RELN: variants seen among roughly 807,000 people sequenced by gnomAD.
RELN encodes the protein reelin.
A neutral mutation model predicts 427.6 loss-of-function variants in RELN; 108 were observed. The ratio of observed to expected loss-of-function variants is 0.25; its 90% confidence interval spans 0.22 to 0.30. RELN has a LOEUF of 0.30. Ranked by LOEUF, RELN falls within the 10% of genes least tolerant of loss-of-function variation. The pLI is 1.00. For synonymous variants in RELN, 1,524 were observed against 1,513.4 expected (o/e 1.01, Z -0.16); for missense variants, 3,715 against 4,302.8 (o/e 0.86, Z 3.82).
chr7:103,493,705 G>A (rs73714413), intron 57 of RELN, among the ~76,000 whole-genome samples: 30,939 of 151,974 alleles, frequency 0.2, 3,788 homozygotes, highest in African/African-American at 0.35. Flanking sequence ...CAAAGAGGTA[G>A]AAGGAGAACG....
intron 3 of RELN, among the ~76,000 whole-genome samples, chr7:103,803,345 T>C (rs929423747): frequency 1.3e-5 from 2 of 152,158 alleles, no homozygotes; most frequent in Admixed American, 6.6e-5. Flanking sequence ...TCTTAACTCT[T>C]AATTCATTGA....
chr7:103,854,354 C>A (rs1337358578), intron 2 of RELN, among the ~76,000 whole-genome samples: 1 of 152,168 alleles, frequency 6.6e-6, no homozygotes, highest in Non-Finnish European at 1.5e-5. Flanking sequence ...GATTGAATTA[C>A]ATTCTGAACT....
chr7:103,520,836 C>T (rs1829682984), intron 48 of RELN, among the ~76,000 whole-genome samples: 1 of 151,374 alleles, frequency 6.6e-6, no homozygotes, highest in Non-Finnish European at 1.5e-5. Context: ...AGCCTACATG[C>T]TATATGCCTT....
rs371102756 is a variant in RELN at position 103,833,523 on chromosome 7, C to G, written c.473+14G>C. Reference sequence around the variant, plus strand: ...TTGCCTTCTGTACGTATGGCAGACACTTTGGGTACTTACATGAAATTCACA... The same window carrying G: ...TTGCCTTCTGTACGTATGGCAGACAGTTTGGGTACTTACATGAAATTCACA... On this transcript the variant is annotated intron_variant, in intron 3 of 64. Transcript: ENST00000428762. 4 of 1,612,970 alleles carry G rather than the reference C, an allele frequency of 2.5e-6. No homozygotes were observed. The highest frequency in any genetic ancestry group is 3.4e-6 in the Non-Finnish European group (4 of 1,178,988).
At chr7:103,662,625 CAAA>C (rs747230376) in intron 11 of RELN, among the ~76,000 whole-genome samples, 34 of 77,334 alleles carry the variant, frequency 4.4e-4, no homozygotes, top group Admixed American at 5.9e-4. Context: ...GACTCCGTCA[CAAA>C]AAAAAAAAAA....
chr7:103,823,086 C>T (rs1053731788), intron 3 of RELN, among the ~76,000 whole-genome samples: 1 of 151,922 alleles, frequency 6.6e-6, no homozygotes, highest in East Asian at 1.9e-4. Flanking sequence ...TTATTTTGTT[C>T]TTAGGTAATT....
intron 24 of RELN, among the ~76,000 whole-genome samples, chr7:103,598,940 A>T (rs1391768708): frequency 6.6e-6 from 1 of 152,208 alleles, no homozygotes. Context: ...GTGTGTGCGC[A>T]TATGTGTTGG....
At position 103,565,438 on chromosome 7, in the gene RELN, G is replaced by A. The variant is rs1830728549; in HGVS notation, c.5050C>T (p.Leu1684Phe). Residue 1684 changes from leucine (L) to phenylalanine (F), a missense_variant, in exon 34 of 65, where the codon CTC becomes TTC. Leu to Phe is a conservative substitution (Grantham distance 22). Around this residue, in one of 4 missense-constraint regions of RELN, gnomAD observed 2,208 missense variants for 2,361.7 expected, o/e 0.93. Coordinates refer to ENST00000428762, the MANE Select transcript of RELN (RefSeq NM_005045.4). The part of the protein sequence containing the change: ...KPFSNSHSVQ[L>F]QYSLNNGKDW... ...TTGCCATTGTTCAGAGAATACTGGAGCTGTACACTGTGGGAGTTGCTGAAG... is the reference window on the plus strand; with the variant it reads ...TTGCCATTGTTCAGAGAATACTGGAACTGTACACTGTGGGAGTTGCTGAAG... 6.2e-7 allele frequency: 1 copy of A among 1,613,830 alleles called. No individual in the cohort carries two copies. The highest frequency in any genetic ancestry group is 1.1e-5 in the South Asian group (1 of 91,072).
At chr7:103,779,473 A>C (rs946605786) in intron 3 of RELN, among the ~76,000 whole-genome samples, 1 of 152,234 alleles carries the variant, frequency 6.6e-6, no homozygotes, top group African/African-American at 2.4e-5. Context: ...ACATAAATTA[A>C]CTCAGTTAAT....
chr7:103,893,824 G>A (rs1222882613), intron 2 of RELN, among the ~76,000 whole-genome samples: 1 of 152,032 alleles, frequency 6.6e-6, no homozygotes, highest in Non-Finnish European at 1.5e-5. Flanking sequence ...GCCCCCAAAG[G>A]TTGAGGATCA....
At chr7:103,889,021 G>T (rs1477670829) in intron 2 of RELN, among the ~76,000 whole-genome samples, 1 of 152,162 alleles carries the variant, frequency 6.6e-6, no homozygotes, top group African/African-American at 2.4e-5. Context: ...CTCATGCACT[G>T]CAGCTCCTTG....
intron 3 of RELN, among the ~76,000 whole-genome samples, chr7:103,826,388 A>AGGTCACAG: frequency 6.6e-6 from 1 of 151,588 alleles, no homozygotes. Flanking sequence ...ATATCTAAAT[A>AGGTCACAG]GGTCACAGAG....
chr7:103,571,916 T>C (rs1305974804), intron 31 of RELN, among the ~76,000 whole-genome samples: 2 of 152,088 alleles, frequency 1.3e-5, no homozygotes, highest in Non-Finnish European at 2.9e-5. Context: ...CTGCGGATAG[T>C]ATAAAGGAAT....
At chr7:103,473,092 T>A in intron 64 of RELN, 184 bp from the exon 65 acceptor site, 2 of 707,970 alleles carry the variant, frequency 2.8e-6, no homozygotes, top group Non-Finnish European at 5.3e-6. Context: ...CTGGGACCTA[T>A]ACTCACTGCC....
At chr7:103,788,618 T>C (rs1253543241) in intron 3 of RELN, among the ~76,000 whole-genome samples, 1 of 152,058 alleles carries the variant, frequency 6.6e-6, no homozygotes, top group African/African-American at 2.4e-5. Flanking sequence ...TACCAAGGAA[T>C]ACAACTTACA....
At chr7:103,617,529 C>T (rs1279290957) in intron 20 of RELN, among the ~76,000 whole-genome samples, 2 of 150,568 alleles carry the variant, frequency 1.3e-5, no homozygotes, top group South Asian at 2.1e-4. Flanking sequence ...TATATATATG[C>T]ATATATGTGT....
intron 2 of RELN, among the ~76,000 whole-genome samples, chr7:103,840,371 A>G (rs1475627991): frequency 1.3e-5 from 2 of 152,238 alleles, no homozygotes; most frequent in South Asian, 4.1e-4. Context: ...ACAAAGCAGT[A>G]GAGCATAATC....
At chr7:103,606,859 T>A (rs1831832167) in intron 22 of RELN, among the ~76,000 whole-genome samples, 1 of 152,000 alleles carries the variant, frequency 6.6e-6, no homozygotes, top group Non-Finnish European at 1.5e-5. Flanking sequence ...CAATCCGGTA[T>A]GTGATGTTCC....
chr7:103,868,660 A>G (rs1271763352), intron 2 of RELN, among the ~76,000 whole-genome samples: 1 of 152,056 alleles, frequency 6.6e-6, no homozygotes, highest in Non-Finnish European at 1.5e-5. Flanking sequence ...GTTAAATTTA[A>G]AATCTCCAGC....
Sources: allele counts gnomAD v4.1 joint callset (sites outside exome capture counted in the v4.1 genomes callset), GRCh38; gene constraint gnomAD v4.1.1; regional missense constraint gnomAD v4.1.1; transcripts MANE v1.5; gene names NCBI Gene and HGNC (gene_info 2026-07-23, HGNC 2026-07-21).